SLC4A10: variants seen among roughly 807,000 people sequenced by gnomAD.
The protein encoded by SLC4A10 is solute carrier family 4 member 10.
SLC4A10 carries 42 observed loss-of-function variants against 137.7 expected under a neutral mutation model. The observed-to-expected ratio is 0.30, with a 90% CI of 0.24 to 0.39. The LOEUF (loss-of-function observed/expected upper bound fraction) is 0.39. Among genes scored for constraint, SLC4A10 ranks in the 10% least tolerant of loss-of-function variants. The pLI is 1.00. For synonymous variants in SLC4A10, 474 were observed against 464.1 expected (o/e 1.02, Z -0.27); for missense variants, 925 against 1,355.0 (o/e 0.68, Z 4.98).
At chr2:161,694,730 A>G (rs1302451415) in intron 1 of SLC4A10, among the ~76,000 whole-genome samples, 1 of 152,054 alleles carries the variant, frequency 6.6e-6, no homozygotes, top group African/African-American at 2.4e-5. Context: ...TTAAACCTTA[A>G]CCCAATTTTA....
intron 15 of SLC4A10, among the ~76,000 whole-genome samples, chr2:161,906,212 G>A (rs191485448): frequency 6.4e-4 from 98 of 152,188 alleles, no homozygotes; most frequent in Non-Finnish European, 1.2e-3. Flanking sequence ...GTTATTTGGC[G>A]TTATTTCAGG....
intron 1 of SLC4A10, among the ~76,000 whole-genome samples, chr2:161,730,121 T>A (rs2046669581): frequency 6.6e-6 from 1 of 152,174 alleles, no homozygotes. Flanking sequence ...ATTAATTAAT[T>A]AACAGCTGAT....
rs752195039 is a variant in SLC4A10 at position 161,942,812 on chromosome 2, A to G, written c.2018A>G (p.His673Arg). ...TQYSCNCVEP[H>R]NPSNGTLKEW... ...TTCAGGTGTAACTGTGTGGAACCGC[A>G]TAATCCCAGCAATGGCACATTGAAG... The change falls in exon 16 of 27, where the codon CAT (histidine) becomes CGT (arginine). Residue 673 changes from histidine (H) to arginine (R), a missense_variant. Physicochemically the swap from His to Arg is conservative, Grantham distance 29. Coordinates refer to ENST00000446997, the MANE Select transcript of SLC4A10 (RefSeq NM_001178015.2). 8 of 1,604,506 alleles carry G rather than the reference A, an allele frequency of 5.0e-6. No individual in the cohort carries two copies. Among genetic ancestry groups the G allele is most frequent in the East Asian group, 2.2e-5 (1 of 44,584 alleles).
intron 1 of SLC4A10, among the ~76,000 whole-genome samples, chr2:161,638,415 G>T (rs543657032): frequency 3.3e-5 from 5 of 152,128 alleles, no homozygotes; most frequent in African/African-American, 1.2e-4. Flanking sequence ...TGATGCTTTT[G>T]TCAAAAATCA....
intron 26 of SLC4A10, among the ~76,000 whole-genome samples, chr2:161,982,344 A>G (rs1700335222): frequency 6.6e-6 from 1 of 152,176 alleles, no homozygotes; most frequent in Non-Finnish European, 1.5e-5. Flanking sequence ...TCATCCCTGT[A>G]ATGATATTGT....
chr2:161,939,041 C>A (rs916796284), intron 15 of SLC4A10, among the ~76,000 whole-genome samples: 5 of 151,802 alleles, frequency 3.3e-5, no homozygotes, highest in African/African-American at 9.7e-5. Context: ...GACAAATTTA[C>A]TTTTTGCTCT....
intron 6 of SLC4A10, among the ~76,000 whole-genome samples, chr2:161,865,439 A>G (rs1434943547): frequency 1.3e-5 from 2 of 152,082 alleles, no homozygotes; most frequent in Non-Finnish European, 2.9e-5. Flanking sequence ...ATCAGCCTTT[A>G]TCTGAACACA....
chr2:161,705,474 T>C lies in SLC4A10; in HGVS notation c.49-65499T>C, dbSNP rs540052158. On this transcript the variant is annotated intron_variant, in intron 1 of 26. Transcript: ENST00000446997. ...TCTTTTATTATTTGAGATGTTCTTATGTGCAGCAAGTCATCAAATAAATAG... is the reference window on the plus strand; with the variant it reads ...TCTTTTATTATTTGAGATGTTCTTACGTGCAGCAAGTCATCAAATAAATAG... Among the ~76,000 whole-genome samples the C allele has an allele frequency of 6.6e-5, 10 of 151,816 alleles. No homozygotes were observed. The East Asian group carries it at 1.9e-3, about 29-fold the overall frequency.
At chr2:161,839,962 A>G (rs1331456336) in intron 4 of SLC4A10, 35 bp downstream of exon 4, 1 of 1,608,218 alleles carries the variant, frequency 6.2e-7, no homozygotes, top group Non-Finnish European at 8.5e-7. Flanking sequence ...AGGTATACTA[A>G]AGAATTTTCA....
chr2:161,733,257 T>C (rs1412562643), intron 1 of SLC4A10, among the ~76,000 whole-genome samples: 1 of 152,138 alleles, frequency 6.6e-6, no homozygotes, highest in Non-Finnish European at 1.5e-5. Context: ...AAAAAGTGGT[T>C]TCGTGGGCTG....
At chr2:161,896,384 C>G (rs1232760571) in intron 11 of SLC4A10, among the ~76,000 whole-genome samples, 2 of 152,012 alleles carry the variant, frequency 1.3e-5, no homozygotes, top group Non-Finnish European at 2.9e-5. Flanking sequence ...TTAGGATTGA[C>G]TTGGTGATGC....
chr2:161,647,922 C>T (rs2036281338), intron 1 of SLC4A10, among the ~76,000 whole-genome samples: 1 of 152,148 alleles, frequency 6.6e-6, no homozygotes, highest in Non-Finnish European at 1.5e-5. Context: ...TAATACCAAC[C>T]CGATTAAATG....
At chr2:161,865,734 T>TA (rs1297901617) in intron 6 of SLC4A10, among the ~76,000 whole-genome samples, 1 of 152,042 alleles carries the variant, frequency 6.6e-6, no homozygotes, top group African/African-American at 2.4e-5. Flanking sequence ...CTAAGGTTCT[T>TA]AATCTACTTA....
At chr2:161,943,191 A>G (rs774804624) in intron 16 of SLC4A10, among the ~76,000 whole-genome samples, 1 of 152,086 alleles carries the variant, frequency 6.6e-6, no homozygotes, top group Non-Finnish European at 1.5e-5. Flanking sequence ...AAATGAAACC[A>G]TATGGCAGAA....
chr2:161,976,786 C>T lies in SLC4A10; in HGVS notation c.3254C>T (p.Ser1085Phe). ...GATGATCCATCTGTGATCAATATAT[C>T]TGATGAAATGTCAAAGACTGCCTTG... is the stretch of plus-strand genomic sequence containing the variant. ...YRDDPSVINISDEMSKTALWR... is the reference protein window; with the variant it reads ...YRDDPSVINIFDEMSKTALWR... The change falls in exon 25 of 27, where the codon TCT becomes TTT. Residue 1085 changes from serine (S) to phenylalanine (F), a missense_variant. Physicochemically the swap from Ser to Phe is radical, Grantham distance 155. Transcript: ENST00000446997. 2.5e-6 allele frequency: 4 copies of T among 1,597,468 alleles called. No individual in the cohort carries two copies. The highest frequency in any genetic ancestry group is 3.4e-6 in the Non-Finnish European group (4 of 1,171,356).
At chr2:161,681,264 C>A (rs1482553773) in intron 1 of SLC4A10, among the ~76,000 whole-genome samples, 1 of 152,104 alleles carries the variant, frequency 6.6e-6, no homozygotes, top group African/African-American at 2.4e-5. Context: ...GCCACCATTT[C>A]GCATCAGCCA....
intron 15 of SLC4A10, among the ~76,000 whole-genome samples, chr2:161,907,765 A>G (rs1684797127): frequency 6.6e-6 from 1 of 152,238 alleles, no homozygotes; most frequent in Non-Finnish European, 1.5e-5. Flanking sequence ...AGATGCATTC[A>G]TGCTTTAAAA....
Position 161,965,102 on chromosome 2 carries a change from C to T in SLC4A10, c.3088C>T (p.Arg1030Trp), listed in dbSNP as rs781426592. Residue 1030 changes from arginine (R) to tryptophan (W), a missense_variant, in exon 23 of 27, where the codon CGG becomes TGG. Coordinates refer to ENST00000446997, the MANE Select transcript of SLC4A10 (RefSeq NM_001178015.2). ...GTTGATGGACTTGTTGTTCACGAAG[C>T]GGGAACTCAGCTGGTTGGATGATTT... ...RKLMDLLFTK[R>W]ELSWLDDLMP... 4 of 1,611,802 alleles carry T rather than the reference C, an allele frequency of 2.5e-6. No homozygotes were observed. Among genetic ancestry groups the T allele is most frequent in the South Asian group, 2.2e-5 (2 of 90,906 alleles).
At chr2:161,832,738 G>C (rs888385386) in intron 3 of SLC4A10, among the ~76,000 whole-genome samples, 4 of 150,200 alleles carry the variant, frequency 2.7e-5, no homozygotes, top group African/African-American at 9.7e-5. Context: ...TTGTTGTTTT[G>C]TTTTGTTTTG....
Sources: gnomAD v4.1 joint callset for allele counts (sites outside exome capture counted in the v4.1 genomes callset) on GRCh38, gnomAD v4.1.1 for gene constraint, MANE v1.5 for transcripts, NCBI Gene and HGNC (gene_info 2026-07-23, HGNC 2026-07-21) for gene names.